TGIF1: variants seen among roughly 807,000 people sequenced by gnomAD.
TGIF1 encodes the protein TGFB induced factor homeobox 1.
In TGIF1, 4 loss-of-function variants were observed where a neutral mutation model predicts 19.3. The ratio of observed to expected loss-of-function variants is 0.21; its 90% CI spans 0.10 to 0.47. TGIF1 has a LOEUF of 0.47. Ranked by LOEUF, TGIF1 falls within the 20% of genes least tolerant of loss-of-function variation. TGIF1 has a pLI of 0.98. For synonymous variants in TGIF1, 122 were observed against 129.3 expected (o/e 0.94, Z 0.38); for missense variants, 275 against 341.4 (o/e 0.81, Z 1.53).
intron 2 of TGIF1, among the ~76,000 whole-genome samples, chr18:3,432,883 C>T (rs1443960356): frequency 2.6e-5 from 4 of 152,020 alleles, no homozygotes; most frequent in African/African-American, 9.7e-5. Context: ...CCTCAGCCTC[C>T]CGAGTAGCTG....
chr18:3,435,563 C>T (rs1420516985), intron 2 of TGIF1, among the ~76,000 whole-genome samples: 1 of 152,106 alleles, frequency 6.6e-6, no homozygotes, highest in Non-Finnish European at 1.5e-5. Flanking sequence ...CTTCATCTTC[C>T]TCAACTGTTG....
chr18:3,448,526 C>G (rs1058739), upstream of TGIF1: 27 of 989,206 alleles, frequency 2.7e-5, no homozygotes, highest in African/African-American at 1.9e-4. Context: ...CGCGCTCCCC[C>G]CGAGCCGTTT....
In TGIF1 at chr18:3,420,181, G is replaced by A. The variant is rs190188105; in HGVS notation, c.-45+1966G>A. Among the ~76,000 whole-genome samples the A allele has an allele frequency of 6.8e-4, 103 of 152,082 alleles. 1 individual carries two copies. The highest frequency in any genetic ancestry group is 2.1e-3 in the Admixed American group (32 of 15,234). On this transcript the variant is annotated intron_variant, in intron 2 of 3. Transcript: ENST00000401449. ...TCACTTGAGGTCAGGCAGAGTTTGA[G>A]ACCATCCTGGCCAACATGATGAAAC...
At chr18:3,437,761 C>T (rs2143220538) in intron 2 of TGIF1, among the ~76,000 whole-genome samples, 1 of 152,322 alleles carries the variant, frequency 6.6e-6, no homozygotes, top group Middle Eastern at 3.4e-3. Flanking sequence ...CACTAATCCC[C>T]TTGGAAAATG....
rs977200376 is a variant in TGIF1, at chr18:3,450,326, G to C, written c.-164G>C. 1 of 1,456,824 alleles carries C rather than the reference G, an allele frequency of 6.9e-7. No homozygotes were observed. The highest frequency in any genetic ancestry group is 9.1e-7 in the Non-Finnish European group (1 of 1,102,454). The allele number at this position is 1,456,824 out of a possible 1,614,324, so 90.2% of individuals were successfully genotyped here. On this transcript the variant is annotated 5_prime_UTR_variant, in exon 1 of 3. Coordinates refer to ENST00000343820, the MANE Select transcript of TGIF1 (RefSeq NM_003244.4). ...GTCACTTGAATTCCACCCAAGGAGC[G>C]GGCGCCTGGGATCAGAGCGTCCTGT...
intron 2 of TGIF1, among the ~76,000 whole-genome samples, chr18:3,419,217 T>C (rs1259409492): frequency 1.3e-5 from 2 of 152,142 alleles, no homozygotes; most frequent in African/African-American, 4.8e-5. Flanking sequence ...TCAATAATGT[T>C]GAGAGAATTG....
chr18:3,412,095 G>C (rs770749279), exon 1 of TGIF1: 3 of 156,574 alleles, frequency 1.9e-5, no homozygotes, highest in Middle Eastern at 2.3e-3. Context: ...CCTGACGGAA[G>C]AGCCCAGCCT....
chr18:3,422,370 T>A (rs903758028), intron 2 of TGIF1, among the ~76,000 whole-genome samples: 2 of 151,156 alleles, frequency 1.3e-5, no homozygotes, highest in Non-Finnish European at 2.9e-5. Context: ...CGAATACATT[T>A]TCATAGAGCT....
At chr18:3,447,626 A>T, upstream of TGIF1, 5 of 1,152,532 alleles carry the variant, frequency 4.3e-6, no homozygotes, top group Non-Finnish European at 6.5e-6. Context: ...GGCTGGGGGG[A>T]GGCAGTGGGG....
chr18:3,441,133 AAC>A (rs1294368707), intron 2 of TGIF1, among the ~76,000 whole-genome samples: 1 of 152,008 alleles, frequency 6.6e-6, no homozygotes. Context: ...CAACTTTTTA[AAC>A]ACAGAGTTTT....
At chr18:3,450,167 C>CT, upstream of TGIF1, 1 of 1,294,512 alleles carries the variant, frequency 7.7e-7, no homozygotes, top group Non-Finnish European at 9.8e-7. Flanking sequence ...CTCCTCGCCT[C>CT]TCTCACTCTG....
Position 3,434,477 on chromosome 18 carries a change from G to A in TGIF1, c.-45+16262G>A, listed in dbSNP as rs890630296. Among the ~76,000 whole-genome samples, 8 of 150,864 alleles carry A rather than the reference G, an allele frequency of 5.3e-5. No individual in the cohort carries two copies. In the South Asian group the frequency reaches 1.0e-3, roughly 20 times the overall value. On this transcript the variant is annotated intron_variant, in intron 2 of 3. Coordinates refer to the TGIF1 transcript ENST00000401449. ...CTTAAACCCAGGAGACAGAGGTTGC[G>A]GTGAGGCAAGATCATGCCATTGCAC...
upstream of TGIF1, chr18:3,449,919 C>T (rs2082845250): frequency 1.0e-6 from 1 of 986,060 alleles, no homozygotes; most frequent in Non-Finnish European, 1.2e-6. Flanking sequence ...GGCTGGTGCC[C>T]CCACCGCCGG....
chr18:3,426,650 A>G (rs985959634), intron 2 of TGIF1, among the ~76,000 whole-genome samples: 4 of 152,194 alleles, frequency 2.6e-5, no homozygotes, highest in African/African-American at 9.6e-5. Context: ...GCTAGTGGAA[A>G]TGCAAATTGG....
chr18:3,444,114 T>G (rs926405751), intron 2 of TGIF1, among the ~76,000 whole-genome samples: 2 of 151,094 alleles, frequency 1.3e-5, no homozygotes, highest in African/African-American at 4.9e-5. Context: ...CCCAGCTAAT[T>G]TTTGTATTTT....
chr18:3,457,728 A>G lies in TGIF1; in HGVS notation c.607A>G (p.Ile203Val), dbSNP rs770746089. The part of the protein sequence containing the change: ...GVGQNTDIQQ[I>V]AAKNFTDTSL... ...GGGACAAAACACAGATATACAGCAG[A>G]TAGCGGCCAAAAACTTCACAGACAC... Residue 203 changes from isoleucine to valine, a missense_variant, in exon 3 of 3, where the codon ATA becomes GTA. Transcript: ENST00000343820. The surrounding 1 kb of genome is among the most constrained non-coding windows in gnomAD (Gnocchi z 4.9). 6.2e-7 allele frequency: 1 copy of G among 1,614,240 alleles called. No homozygotes were observed. Among genetic ancestry groups the G allele is most frequent in the Non-Finnish European group, 8.5e-7 (1 of 1,180,038 alleles).
At chr18:3,421,359 C>T (rs1476927702) in intron 2 of TGIF1, among the ~76,000 whole-genome samples, 4 of 146,094 alleles carry the variant, frequency 2.7e-5, no homozygotes, top group Non-Finnish European at 4.5e-5. Context: ...ATGGAGTTTG[C>T]GTCTTACTAT....
In TGIF1 at chr18:3,451,573, C is replaced by T. The variant is rs556079532; in HGVS notation, c.16+1068C>T. The T allele has an allele frequency of 6.3e-5, 65 of 1,025,106 alleles. No homozygotes were observed. The highest frequency in any genetic ancestry group is 4.7e-4 in the Middle Eastern group (1 of 2,134). 63.5% of individuals were successfully genotyped at this position (1,025,106 alleles called of 1,614,324 possible). On this transcript the variant is annotated intron_variant, in intron 1 of 2. Coordinates refer to ENST00000343820, the MANE Select transcript of TGIF1 (RefSeq NM_003244.4). The surrounding 1 kb of genome is among the most constrained non-coding windows in gnomAD (Gnocchi z 5.4). Reference sequence around the variant, plus strand: ...GGCGCTACTGCGCATGCCCGGGAGCCGCCTGGAGTTTGGAACTCCACATTC... The same window carrying T: ...GGCGCTACTGCGCATGCCCGGGAGCTGCCTGGAGTTTGGAACTCCACATTC...
chr18:3,457,994 CAAGAGATG>C lies in TGIF1; in HGVS notation c.*57_*64del, dbSNP rs1439258052. ...AATGTCATGATTGCCGGGGTGAAGG[CAAGAGATG>C]AATTGCATTATTTTATATATTTTTT... On this transcript the variant is annotated 3_prime_UTR_variant, in exon 3 of 3. Coordinates refer to ENST00000343820, the MANE Select transcript of TGIF1 (RefSeq NM_003244.4). This position sits in a 1 kb window ranked among gnomAD's most constrained non-coding sequence, Gnocchi z 4.9. 4.0e-6 allele frequency: 6 copies of C among 1,504,542 alleles called. No homozygotes were observed. The highest frequency in any genetic ancestry group is 5.5e-6 in the Non-Finnish European group (6 of 1,094,634). 93.2% of individuals were successfully genotyped at this position (1,504,542 alleles called of 1,614,324 possible).
Sources: gnomAD v4.1 joint callset for allele counts (sites outside exome capture counted in the v4.1 genomes callset) on GRCh38, gnomAD v4.1.1 for gene constraint, Gnocchi (gnomAD v3.1) non-coding constraint, MANE v1.5 for transcripts, NCBI Gene and HGNC (gene_info 2026-07-23, HGNC 2026-07-21) for gene names.